SH3GL2: variants seen among roughly 807,000 people sequenced by gnomAD.
SH3GL2 encodes the protein endophilin-A1.
SH3GL2 carries 24 observed loss-of-function variants against 46.0 expected under a neutral mutation model. The ratio of observed to expected loss-of-function variants is 0.52; its 90% CI spans 0.38 to 0.73. The LOEUF (loss-of-function observed/expected upper bound fraction) is 0.73. Among genes scored for constraint, SH3GL2 ranks in the 30% least tolerant of loss-of-function variants. The pLI is 0.00. For missense variants in SH3GL2, 413 were observed against 424.2 expected (o/e 0.97, Z 0.23); for synonymous variants, 196 against 147.1 (o/e 1.33, Z -2.40).
chr9:17,719,389 C>T lies in SH3GL2; in HGVS notation c.46-27677C>T, dbSNP rs183041835. 7.9e-5 allele frequency among the ~76,000 whole-genome samples: 12 copies of T among 152,208 alleles called. No homozygotes were observed. The South Asian group carries it at 2.3e-3, about 29-fold the overall frequency. ...TTCCAGTCAATGTTTTCATGATCTG[C>T]CAAATTCAGAGCAGCTTATAAATAT... On this transcript the variant is annotated intron_variant, in intron 1 of 8. Coordinates refer to ENST00000380607, the MANE Select transcript of SH3GL2 (RefSeq NM_003026.5).
intron 1 of SH3GL2, among the ~76,000 whole-genome samples, chr9:17,678,224 T>A (rs1476312621): frequency 6.6e-6 from 1 of 152,062 alleles, no homozygotes; most frequent in African/African-American, 2.4e-5. Context: ...ACTTCCACAA[T>A]GGTTGAACTA....
intron 1 of SH3GL2, among the ~76,000 whole-genome samples, chr9:17,635,226 G>C (rs1324790353): frequency 6.6e-6 from 1 of 152,174 alleles, no homozygotes; most frequent in East Asian, 1.9e-4. Context: ...TTACAAGTAA[G>C]AACATATAGT....
At chr9:17,619,788 A>G (rs1381635056) in intron 1 of SH3GL2, among the ~76,000 whole-genome samples, 2 of 152,258 alleles carry the variant, frequency 1.3e-5, no homozygotes, top group African/African-American at 4.8e-5. Flanking sequence ...ATTGACATGG[A>G]CACATTTATG....
intron 1 of SH3GL2, among the ~76,000 whole-genome samples, chr9:17,737,438 T>G (rs1178558576): frequency 6.6e-6 from 1 of 152,140 alleles, no homozygotes; most frequent in Non-Finnish European, 1.5e-5. Flanking sequence ...TATTATCTGA[T>G]TCCTAGTGTC....
intron 2 of SH3GL2, among the ~76,000 whole-genome samples, chr9:17,758,417 C>T (rs934243216): frequency 2.6e-5 from 4 of 151,614 alleles, no homozygotes; most frequent in African/African-American, 9.7e-5. Flanking sequence ...CAAAAATTAG[C>T]CAGGCATGGT....
intron 2 of SH3GL2, among the ~76,000 whole-genome samples, chr9:17,759,239 C>A (rs1361412231): frequency 6.6e-6 from 1 of 152,152 alleles, no homozygotes; most frequent in African/African-American, 2.4e-5. Flanking sequence ...CAGAGCCTCC[C>A]TTCCAGAGAG....
At chr9:17,603,806 G>T (rs1818712983) in intron 1 of SH3GL2, among the ~76,000 whole-genome samples, 1 of 152,132 alleles carries the variant, frequency 6.6e-6, no homozygotes, top group African/African-American at 2.4e-5. Flanking sequence ...GTTGTGGTGT[G>T]GTGAGCTGAG....
At chr9:17,649,746 A>T (rs149254169) in intron 1 of SH3GL2, among the ~76,000 whole-genome samples, 137 of 152,326 alleles carry the variant, frequency 9.0e-4, no homozygotes, top group African/African-American at 3.2e-3. Context: ...GTTATTTTGA[A>T]TACAAATATG....
At chr9:17,602,716 A>G (rs1818693898) in intron 1 of SH3GL2, among the ~76,000 whole-genome samples, 1 of 152,224 alleles carries the variant, frequency 6.6e-6, no homozygotes, top group Non-Finnish European at 1.5e-5. Flanking sequence ...TTTGGGGAAG[A>G]TGGAGTGGGA....
In SH3GL2 at chr9:17,758,561, CAAAAAAAAAAAAAAA is replaced by C. The variant is rs57019804; in HGVS notation, c.115-2856_115-2842del. 2.3e-3 allele frequency among the ~76,000 whole-genome samples: 66 copies of C among 29,232 alleles called. 2 individuals carry two copies. The East Asian group carries it at 0.028, about 13-fold the overall frequency. 19.2% of individuals were successfully genotyped at this position (29,232 alleles called of 152,430 possible). A position where few individuals can be genotyped will look rare whatever the true frequency, so the allele number is the denominator to read the frequency against. On this transcript the variant is annotated intron_variant, in intron 2 of 8. Coordinates refer to ENST00000380607, the MANE Select transcript of SH3GL2 (RefSeq NM_003026.5). ...TGGGGGAGAGAGTAAGACCCTGTCT[CAAAAAAAAAAAAAAA>C]AAAAAAAAAAAAAAAAAAATTGCAG...
At chr9:17,618,357 A>G (rs558875078) in intron 1 of SH3GL2, among the ~76,000 whole-genome samples, 1 of 152,266 alleles carries the variant, frequency 6.6e-6, no homozygotes, top group East Asian at 1.9e-4. Flanking sequence ...CCAGGGTTGG[A>G]GAGTTAGGAA....
intron 1 of SH3GL2, among the ~76,000 whole-genome samples, chr9:17,727,053 C>CA (rs1822038881): frequency 6.6e-6 from 1 of 152,032 alleles, no homozygotes; most frequent in African/African-American, 2.4e-5. Context: ...AATCATAAAA[C>CA]AACCCAAATA....
intron 1 of SH3GL2, among the ~76,000 whole-genome samples, chr9:17,723,188 C>T (rs1231582095): frequency 6.6e-6 from 1 of 152,100 alleles, no homozygotes; most frequent in Non-Finnish European, 1.5e-5. Flanking sequence ...AATGTACTGT[C>T]ACATTCTCAC....
intron 1 of SH3GL2, among the ~76,000 whole-genome samples, chr9:17,651,848 T>C (rs1032972274): frequency 2.6e-5 from 4 of 152,166 alleles, no homozygotes; most frequent in African/African-American, 7.2e-5. Flanking sequence ...ACTTCAGTAG[T>C]TATTTTTCCT....
chr9:17,687,582 T>C (rs1054241441), intron 1 of SH3GL2, among the ~76,000 whole-genome samples: 1 of 152,122 alleles, frequency 6.6e-6, no homozygotes, highest in Non-Finnish European at 1.5e-5. Context: ...AGTATAGTCC[T>C]GAAGTTCTAA....
chr9:17,723,257 T>C (rs139359984), intron 1 of SH3GL2, among the ~76,000 whole-genome samples: 4 of 152,270 alleles, frequency 2.6e-5, no homozygotes, highest in African/African-American at 9.6e-5. Context: ...AAATTTCTTC[T>C]ATGTTCACTA....
chr9:17,604,262 C>G (rs1818720648), intron 1 of SH3GL2, among the ~76,000 whole-genome samples: 2 of 152,166 alleles, frequency 1.3e-5, no homozygotes. Flanking sequence ...TGCCTGGGCT[C>G]CACTCTGCTC....
At chr9:17,746,412 G>A (rs999244675) in intron 1 of SH3GL2, among the ~76,000 whole-genome samples, 1 of 152,194 alleles carries the variant, frequency 6.6e-6, no homozygotes, top group African/African-American at 2.4e-5. Context: ...CATGTGGTTA[G>A]TGACTGTTTG....
At position 17,738,641 on chromosome 9, in the gene SH3GL2, T is replaced by TATAGAGAGAGAG. The variant is rs376280314; in HGVS notation, c.46-8424_46-8423insTAGAGAGAGAGA. Among the ~76,000 whole-genome samples the TATAGAGAGAGAG allele has an allele frequency of 1.0e-3, 92 of 88,872 alleles. 3 individuals carry two copies. Among genetic ancestry groups the TATAGAGAGAGAG allele is most frequent in the African/African-American group, 1.8e-3 (49 of 26,850 alleles). The allele number at this position is 88,872 out of a possible 152,430, so 58.3% of individuals were successfully genotyped here. A position where few individuals can be genotyped will look rare whatever the true frequency, so the allele number is the denominator to read the frequency against. On this transcript the variant is annotated intron_variant, in intron 1 of 8. Transcript: ENST00000380607. ...TCATGTGATTTTATATATATATATA[T>TATAGAGAGAGAG]AGAGAGAGAGAGAGAGAGAGAGAGA...
Sources: gnomAD v4.1 joint callset for allele counts (sites outside exome capture counted in the v4.1 genomes callset) on GRCh38, gnomAD v4.1.1 for gene constraint, MANE v1.5 for transcripts, NCBI Gene and HGNC (gene_info 2026-07-23, HGNC 2026-07-21) for gene names.